DHX36: variants seen among roughly 807,000 people sequenced by gnomAD.
The protein encoded by DHX36 is DEAH-box helicase 36, also known as ATP-dependent DNA/RNA helicase DHX36.
DHX36 carries 50 observed loss-of-function variants against 139.0 expected under a neutral mutation model. The observed-to-expected ratio is 0.36, with a 90% CI of 0.29 to 0.46. The LOEUF is 0.46. Ranked by LOEUF, DHX36 falls within the 20% of genes least tolerant of loss-of-function variation. The pLI, the probability that DHX36 is intolerant of heterozygous loss-of-function variation, is 1.00. For missense variants in DHX36, 1,024 were observed against 1,211.3 expected (o/e 0.85, Z 2.29); for synonymous variants, 425 against 401.9 (o/e 1.06, Z -0.69).
intron 5 of DHX36, among the ~76,000 whole-genome samples, chr3:154,308,418 T>C (rs933247247): frequency 1.3e-5 from 2 of 152,210 alleles, no homozygotes; most frequent in African/African-American, 4.8e-5. Flanking sequence ...CAAATCTTTA[T>C]AATTTATACA....
intron 1 of DHX36, 98 bp downstream of exon 1, chr3:154,324,076 T>A (rs1313961814): frequency 9.9e-6 from 13 of 1,315,932 alleles, no homozygotes; most frequent in Non-Finnish European, 1.4e-5. Context: ...ACAAAACACG[T>A]GCATCACTTA....
Position 154,277,758 on chromosome 3 carries a change from C to CTA in DHX36, c.2568-41_2568-40insTA. 4.6e-6 allele frequency: 7 copies of CTA among 1,519,042 alleles called. No individual in the cohort carries two copies. The South Asian group carries it at 9.5e-5, about 21-fold the overall frequency. The allele number at this position is 1,519,042 out of a possible 1,614,324, so 94.1% of individuals were successfully genotyped here. A position where few individuals can be genotyped will look rare whatever the true frequency, so the allele number is the denominator to read the frequency against. On this transcript the variant is annotated intron_variant, in intron 22 of 24. Transcript: ENST00000496811. The stretch of plus-strand genomic sequence containing the variant: ...AAAATGCAGTTTGTTAAAAAGAAGT[C>CTA]TTCTAGAGGATTTTCTTTTTTTACA...
At chr3:154,300,001 G>T (rs1295566021) in intron 11 of DHX36, 76 bp from the exon 12 acceptor site, 1 of 933,992 alleles carries the variant, frequency 1.1e-6, no homozygotes, top group Non-Finnish European at 1.7e-6. Flanking sequence ...TGTGCACACT[G>T]AAGTCTCCAT....
At position 154,306,247 on chromosome 3, in the gene DHX36, T is replaced by C; in HGVS notation, c.862A>G (p.Asn288Asp). 4.3e-6 allele frequency: 7 copies of C among 1,613,746 alleles called. No homozygotes were observed. Among genetic ancestry groups the C allele is most frequent in the East Asian group, 2.2e-5 (1 of 44,824 alleles). The change falls in exon 6 of 25, where the codon AAT becomes GAT. Residue 288 changes from asparagine to aspartate, a missense_variant. By Grantham distance (23) the Asn-to-Asp change is conservative. Around this residue, in one of 4 missense-constraint regions of DHX36, gnomAD observed 146 missense variants for 215.0 expected, o/e 0.68. Coordinates refer to ENST00000496811, the MANE Select transcript of DHX36 (RefSeq NM_020865.3). ...AERAESCGSG[N>D]STGYQIRLQS... ...AGACGAATTTGATATCCAGTACTATTACCACTGCCACAAGATTCTGCCCTT... is the reference window on the plus strand; with the variant it reads ...AGACGAATTTGATATCCAGTACTATCACCACTGCCACAAGATTCTGCCCTT...
chr3:154,321,301 C>A (rs933015325), intron 1 of DHX36, among the ~76,000 whole-genome samples: 1 of 152,182 alleles, frequency 6.6e-6, no homozygotes, highest in Middle Eastern at 3.2e-3. Context: ...GTTTCTCGAA[C>A]TGAAAATGTG....
Position 154,292,681 on chromosome 3 carries a change from C to CA in DHX36, c.1683dup (p.Asp562Ter). 6.2e-7 allele frequency: 1 copy of CA among 1,612,916 alleles called. No individual in the cohort carries two copies. The highest frequency in any genetic ancestry group is 1.3e-5 in the African/African-American group (1 of 74,772). ...CCTCCATCTATCACATAAACGACATCATCTATGGTAATGCTGTTTGGAAAA... is the reference window on the plus strand; with the variant it reads ...CCTCCATCTATCACATAAACGACATCAATCTATGGTAATGCTGTTTGGAAAA... On this transcript the variant is annotated frameshift_variant, in exon 15 of 25. Coordinates refer to ENST00000496811, the MANE Select transcript of DHX36 (RefSeq NM_020865.3). LOFTEE classifies it high-confidence loss of function.
intron 14 of DHX36, 62 bp downstream of exon 14, chr3:154,293,686 A>T: frequency 1.6e-6 from 2 of 1,247,094 alleles, no homozygotes; most frequent in Middle Eastern, 2.2e-4. Context: ...AGGTATATAA[A>T]CACGTTATGG....
chr3:154,278,196 T>C (rs1464113318), intron 22 of DHX36, among the ~76,000 whole-genome samples: 2 of 152,112 alleles, frequency 1.3e-5, no homozygotes, highest in African/African-American at 4.8e-5. Flanking sequence ...TTAAAAATTT[T>C]ACAGAGTATG....
intron 17 of DHX36, among the ~76,000 whole-genome samples, chr3:154,287,732 T>C (rs1367306430): frequency 6.6e-6 from 1 of 151,860 alleles, no homozygotes; most frequent in East Asian, 1.9e-4. Context: ...AAAACAGATA[T>C]GCAATATACA....
Position 154,301,141 on chromosome 3 carries a change from A to G in DHX36, c.1218-14T>C. ...TCTGGAACATACCTAAAATAAAAAC[A>G]TTCTTGAATATCTTCACTTTTTTGA... is the stretch of plus-strand genomic sequence containing the variant. On this transcript the variant is annotated splice_polypyrimidine_tract_variant and intron_variant, in intron 9 of 24. Transcript: ENST00000496811. The G allele has an allele frequency of 1.3e-6, 2 of 1,566,796 alleles. No individual in the cohort carries two copies. The highest frequency in any genetic ancestry group is 1.7e-6 in the Non-Finnish European group (2 of 1,164,946).
chr3:154,280,056 A>G (rs1719283387), intron 22 of DHX36: 1 of 152,212 alleles, frequency 6.6e-6, no homozygotes, highest in Non-Finnish European at 1.5e-5. Context: ...CAACCACACT[A>G]CTGGCCATTT....
chr3:154,317,471 C>T (rs911061519), intron 1 of DHX36, among the ~76,000 whole-genome samples: 8 of 151,922 alleles, frequency 5.3e-5, no homozygotes, highest in East Asian at 1.9e-4. Context: ...TGAGGACAGA[C>T]GGATGACCAA....
intron 21 of DHX36, 44 bp from the exon 22 acceptor site, chr3:154,280,713 C>A: frequency 6.2e-7 from 1 of 1,603,544 alleles, no homozygotes; most frequent in South Asian, 1.1e-5. Flanking sequence ...AAGTAAAATA[C>A]TGATACAATA....
chr3:154,288,689 T>C (rs1711657403), intron 17 of DHX36, among the ~76,000 whole-genome samples, 177 bp downstream of exon 17: 1 of 152,176 alleles, frequency 6.6e-6, no homozygotes, highest in South Asian at 2.1e-4. Context: ...ACTTTATAAC[T>C]TTCTAATGCC....
At chr3:154,312,420 T>C (rs1712794676) in intron 3 of DHX36, among the ~76,000 whole-genome samples, 1 of 152,126 alleles carries the variant, frequency 6.6e-6, no homozygotes, top group Non-Finnish European at 1.5e-5. Flanking sequence ...TGGAACTCTA[T>C]ACCCGTATTA....
In DHX36 at chr3:154,309,933, T is replaced by C. The variant is rs1712667097; in HGVS notation, c.643-110A>G. 3.0e-5 allele frequency: 27 copies of C among 888,594 alleles called. No individual in the cohort carries two copies. In the South Asian group the frequency reaches 5.0e-4, roughly 17 times the overall value. 55.0% of individuals were successfully genotyped at this position (888,594 alleles called of 1,614,324 possible). ...TAGCTATTTTTAACAAACATATTAA[T>C]GCTTTCTAAATTTTGCCATATCCAA... On this transcript the variant is annotated intron_variant, in intron 4 of 24. Transcript: ENST00000496811.
rs1440378351 is a variant in DHX36 at position 154,280,684 on chromosome 3, A to G, written c.2477-15T>C. 6.2e-7 allele frequency: 1 copy of G among 1,609,860 alleles called. No homozygotes were observed. The highest frequency in any genetic ancestry group is 8.5e-7 in the Non-Finnish European group (1 of 1,176,700). ...CTTCTCATTATCTATGGGGGGTGAGAAGGTAGAGGGGAAAAGAAAAGTAAA... is the reference window on the plus strand; with the variant it reads ...CTTCTCATTATCTATGGGGGGTGAGGAGGTAGAGGGGAAAAGAAAAGTAAA... On this transcript the variant is annotated splice_polypyrimidine_tract_variant and intron_variant, in intron 21 of 24. Transcript: ENST00000496811.
At chr3:154,277,271 A>C (rs1214098865) in intron 23 of DHX36, among the ~76,000 whole-genome samples, 1 of 152,198 alleles carries the variant, frequency 6.6e-6, no homozygotes, top group Non-Finnish European at 1.5e-5. Flanking sequence ...AACAATACTT[A>C]TAAGGTATAC....
chr3:154,302,337 G>C (rs977000784), intron 9 of DHX36, among the ~76,000 whole-genome samples: 1 of 152,204 alleles, frequency 6.6e-6, no homozygotes, highest in Non-Finnish European at 1.5e-5. Flanking sequence ...ATAACTGCCT[G>C]ATACACACTA....
Sources: allele counts gnomAD v4.1 joint callset (sites outside exome capture counted in the v4.1 genomes callset), GRCh38; gene constraint gnomAD v4.1.1; regional missense constraint gnomAD v4.1.1; transcripts MANE v1.5; gene names NCBI Gene and HGNC (gene_info 2026-07-23, HGNC 2026-07-21).